Variants in ADGRD1 observed in about 807,000 individuals in gnomAD.
ADGRD1 encodes the protein adhesion G protein-coupled receptor D1.
Under a neutral mutation model 113.4 loss-of-function variants are expected in ADGRD1, and 77 were observed. The observed-to-expected ratio is 0.68, with a 90% confidence interval of 0.57 to 0.82. The LOEUF is 0.82. Among genes scored for constraint, ADGRD1 ranks in the 40% least tolerant of loss-of-function variants. ADGRD1 has a pLI of 0.00. For synonymous variants in ADGRD1, 474 were observed against 475.0 expected (o/e 1.00, Z 0.03); for missense variants, 1,036 against 1,139.1 (o/e 0.91, Z 1.30).
intron 14 of ADGRD1, among the ~76,000 whole-genome samples, chr12:131,079,938 T>C (rs1885938981): frequency 6.6e-6 from 1 of 152,166 alleles, no homozygotes; most frequent in Non-Finnish European, 1.5e-5. Context: ...GCTTCATTGA[T>C]TTTTCTCTCT....
At position 131,076,925 on chromosome 12, in the gene ADGRD1, G is replaced by A. The variant is rs762887044; in HGVS notation, c.1547+51G>A. On this transcript the variant is annotated intron_variant, in intron 14 of 24. Transcript: ENST00000261654. ...GTGGGCATGAGGTGTCCAAGCCCAGGCCCGCCCCATGCCAGCCCAGGGGAG... is the reference window on the plus strand; with the variant it reads ...GTGGGCATGAGGTGTCCAAGCCCAGACCCGCCCCATGCCAGCCCAGGGGAG... The A allele has an allele frequency of 6.9e-6, 10 of 1,450,424 alleles. No homozygotes were observed. The South Asian group carries it at 1.1e-4, about 17-fold the overall frequency. 89.8% of individuals were successfully genotyped at this position (1,450,424 alleles called of 1,614,324 possible).
chr12:131,089,742 A>G (rs1886775452), intron 15 of ADGRD1, among the ~76,000 whole-genome samples: 1 of 152,188 alleles, frequency 6.6e-6, no homozygotes, highest in African/African-American at 2.4e-5. Context: ...CCTTCAGTCC[A>G]CACCACACGA....
In ADGRD1 at chr12:131,105,771, G is replaced by A. The variant is rs772571373; in HGVS notation, c.1793G>A (p.Arg598Gln). Residue 598 changes from arginine to glutamine, a missense_variant, in exon 17 of 25, where the codon CGG becomes CAG. Arg to Gln is a conservative substitution (Grantham distance 43, BLOSUM62 1). Transcript: ENST00000261654. ...GTCCTCAGCTCCGTGAGCACCATCC[G>A]GAACCAGCGCTACCACATCCACGCC... ...FAVLSSVSTI[R>Q]NQRYHIHANL... The A allele has an allele frequency of 2.8e-5, 45 of 1,601,214 alleles. No homozygotes were observed. The East Asian group carries it at 4.7e-4, about 17-fold the overall frequency.
At chr12:131,115,507 T>G (rs897561493) in intron 18 of ADGRD1, among the ~76,000 whole-genome samples, 4 of 152,108 alleles carry the variant, frequency 2.6e-5, no homozygotes, top group African/African-American at 4.8e-5. Flanking sequence ...CCCTTGCCCA[T>G]GCGCCCATCC....
chr12:131,028,262 C>T (rs1446856572), intron 13 of ADGRD1, among the ~76,000 whole-genome samples: 2 of 152,212 alleles, frequency 1.3e-5, no homozygotes, highest in African/African-American at 2.4e-5. Context: ...AAAAAATCTA[C>T]TCAAGACTTC....
chr12:131,051,777 C>T (rs538244264), intron 13 of ADGRD1, among the ~76,000 whole-genome samples: 27 of 152,308 alleles, frequency 1.8e-4, no homozygotes, highest in African/African-American at 5.8e-4. Flanking sequence ...TGAGCTACCG[C>T]GCCCAGGCGA....
chr12:131,101,373 C>CTTTTTTTTTTTTTTTTTTTT (rs796951608), intron 15 of ADGRD1, among the ~76,000 whole-genome samples: 1 of 79,354 alleles, frequency 1.3e-5, no homozygotes, highest in African/African-American at 5.4e-5. Context: ...CTTTTTCTTT[C>CTTTTTTTTTTTTTTTTTTTT]TTTCTTTTTT....
At chr12:131,005,931 C>T in intron 11 of ADGRD1, 41 bp from the exon 12 acceptor site, 1 of 1,530,834 alleles carries the variant, frequency 6.5e-7, no homozygotes, top group Non-Finnish European at 9.0e-7. Context: ...TGCCTGTGGC[C>T]TGGAGCGCTG....
chr12:131,076,644 G>A (rs912597600), intron 13 of ADGRD1, 157 bp from the exon 14 acceptor site: 8 of 680,546 alleles, frequency 1.2e-5, no homozygotes, highest in Admixed American at 4.2e-5. Context: ...CAGGTGATGT[G>A]GGACCACACC....
intron 2 of ADGRD1, among the ~76,000 whole-genome samples, chr12:130,958,847 T>C (rs1165303401): frequency 1.3e-5 from 2 of 152,274 alleles, no homozygotes; most frequent in Non-Finnish European, 2.9e-5. Context: ...ACGTTGGGCC[T>C]TTCAATGATT....
At chr12:131,136,492 G>T (rs534296242) in intron 22 of ADGRD1, among the ~76,000 whole-genome samples, 29 of 152,342 alleles carry the variant, frequency 1.9e-4, no homozygotes, top group African/African-American at 6.3e-4. Flanking sequence ...CCCAGGTGCT[G>T]CCCTCTGTGT....
chr12:131,031,122 G>A (rs900632440), intron 13 of ADGRD1, among the ~76,000 whole-genome samples: 3 of 152,194 alleles, frequency 2.0e-5, no homozygotes, highest in Non-Finnish European at 4.4e-5. Context: ...GGGGCTGGGC[G>A]GTCTCAACTC....
At chr12:131,107,919 T>A (rs1950269233) in intron 17 of ADGRD1, among the ~76,000 whole-genome samples, 1 of 152,194 alleles carries the variant, frequency 6.6e-6, no homozygotes, top group South Asian at 2.1e-4. Context: ...TGGTTTGTGT[T>A]CCTTCCTGGG....
At chr12:131,051,562 C>T (rs1883398383) in intron 13 of ADGRD1, among the ~76,000 whole-genome samples, 1 of 151,512 alleles carries the variant, frequency 6.6e-6, no homozygotes, top group African/African-American at 2.4e-5. Context: ...TGGCTCACTG[C>T]AACCTCCATC....
At position 131,084,552 on chromosome 12, in the gene ADGRD1, G is replaced by A. The variant is rs144706021; in HGVS notation, c.1560G>A (p.Gly520=). Residue 520 remains glycine, a synonymous_variant, in exon 15 of 25, where the codon GGG becomes GGA. Coordinates refer to ENST00000261654, the MANE Select transcript of ADGRD1 (RefSeq NM_198827.5). The surrounding 1 kb of genome is among the most constrained non-coding windows in gnomAD (Gnocchi z 4.5). ...CAFLDFSSGE[G]VWSNHGCALT... ...CCTGTGTCCTCAGCTCCGGAGAAGG[G>A]GTCTGGTCGAACCACGGCTGTGCGC... The A allele has an allele frequency of 1.2e-3, 1,883 of 1,614,076 alleles. 6 individuals are homozygous for A. Among genetic ancestry groups the A allele is most frequent in the South Asian group, 2.2e-3 (201 of 91,074 alleles).
intron 12 of ADGRD1, 120 bp downstream of exon 12, chr12:131,006,167 C>T (rs11832357): frequency 0.035 from 30,484 of 861,994 alleles, 1,271 homozygotes; most frequent in African/African-American, 0.17. Context: ...GAGTACCGGG[C>T]GCTTCACTGC....
At chr12:131,138,665 T>A (rs1951169277) in intron 24 of ADGRD1, among the ~76,000 whole-genome samples, 2 of 151,954 alleles carry the variant, frequency 1.3e-5, no homozygotes. Flanking sequence ...CACACGGTGC[T>A]CAATGAAGGC....
intron 18 of ADGRD1, among the ~76,000 whole-genome samples, chr12:131,117,290 A>G (rs779894207): frequency 7.2e-5 from 11 of 152,232 alleles, no homozygotes; most frequent in Non-Finnish European, 8.8e-5. Flanking sequence ...TGTCACACTC[A>G]GTTTCAAGTA....
At chr12:131,100,027 G>A (rs892856345) in intron 15 of ADGRD1, among the ~76,000 whole-genome samples, 2 of 152,152 alleles carry the variant, frequency 1.3e-5, no homozygotes, top group African/African-American at 2.4e-5. Context: ...CAGTAGGTTG[G>A]TTGAGGGTAG....
Sources: gnomAD v4.1 joint callset for allele counts (sites outside exome capture counted in the v4.1 genomes callset) on GRCh38, gnomAD v4.1.1 for gene constraint, Gnocchi (gnomAD v3.1) non-coding constraint, MANE v1.5 for transcripts, NCBI Gene and HGNC (gene_info 2026-07-23, HGNC 2026-07-21) for gene names.